Variants in RSAD2 observed in about 807,000 individuals in gnomAD.
The protein encoded by RSAD2 is S-adenosylmethionine-dependent nucleotide dehydratase RSAD2.
RSAD2 carries 38 observed loss-of-function variants against 37.7 expected under a neutral mutation model. That is an observed-to-expected ratio of 1.01 (90% CI 0.78 to 1.32). The LOEUF (loss-of-function observed/expected upper bound fraction) is 1.32. Among genes scored for constraint, RSAD2 ranks in the 40% most tolerant of loss-of-function variants. The probability of loss-of-function intolerance (pLI) is 0.00; values close to 1 mark genes in which losing one functional copy is unlikely to be tolerated. For synonymous variants in RSAD2, 163 were observed against 157.4 expected (o/e 1.04, Z -0.27); for missense variants, 428 against 437.5 (o/e 0.98, Z 0.19).
chr2:6,877,924 C>T lies in RSAD2; in HGVS notation c.124C>T (p.Leu42=). 1 of 1,614,104 alleles carries T rather than the reference C, an allele frequency of 6.2e-7. No homozygotes were observed. Among genetic ancestry groups the T allele is most frequent in the Non-Finnish European group, 8.5e-7 (1 of 1,180,014 alleles). Residue 42 remains leucine (L), a synonymous_variant, in exon 1 of 6, where the codon CTA becomes TTA. Transcript: ENST00000382040. ...CTGGCTGAGGGCAACCTTCTGGCTG[C>T]TAGCTACCAAGAGGAGAAAGCAGCA... The part of the protein sequence containing the change: ...FCWLRATFWL[L]ATKRRKQQLV...
intron 3 of RSAD2, 152 bp downstream of exon 3, chr2:6,887,316 A>G (rs1663544333): frequency 1.6e-6 from 1 of 611,668 alleles, no homozygotes; most frequent in Admixed American, 2.9e-5. Flanking sequence ...CAGCTCTGTT[A>G]GACTTAAAAC....
In RSAD2 at chr2:6,878,125, T is replaced by C. The variant is rs752677354; in HGVS notation, c.325T>C (p.Leu109=). 6.2e-6 allele frequency: 10 copies of C among 1,613,942 alleles called. No individual in the cohort carries two copies. Among genetic ancestry groups the C allele is most frequent in the Non-Finnish European group, 8.5e-6 (10 of 1,179,922 alleles). ...GCCCCTTGAGGAAGCAAAGAGAGGA[T>C]TGCTTTTGCTTAAGGAAGCTGGTGA... ...VLPLEEAKRG[L]LLLKEAGMEK... is the part of the protein sequence containing the mutation. Residue 109 remains leucine, a synonymous_variant, in exon 1 of 6, where the codon TTG becomes CTG. Transcript: ENST00000382040.
intron 4 of RSAD2, among the ~76,000 whole-genome samples, chr2:6,891,934 A>G (rs1663640600): frequency 6.6e-6 from 1 of 152,198 alleles, no homozygotes; most frequent in Non-Finnish European, 1.5e-5. Context: ...TGATAATATA[A>G]TAGTAGGTAC....
intron 4 of RSAD2, among the ~76,000 whole-genome samples, chr2:6,891,113 A>G (rs537785036): frequency 2.6e-4 from 40 of 152,280 alleles, no homozygotes; most frequent in Middle Eastern, 3.4e-3. Context: ...AAAGTATTAT[A>G]TATAAAGTTA....
chr2:6,876,536 T>C (rs910351845), upstream of RSAD2, among the ~76,000 whole-genome samples: 1 of 152,232 alleles, frequency 6.6e-6, no homozygotes, highest in Non-Finnish European at 1.5e-5. Context: ...TGGTTTTCAA[T>C]TGTGCAAGAC....
chr2:6,870,511 A>G (rs1663184246), intron 1 of RSAD2, among the ~76,000 whole-genome samples: 6 of 152,142 alleles, frequency 3.9e-5, no homozygotes. Context: ...CATGCTTTGG[A>G]TGAGGTCTCA....
Position 6,882,385 on chromosome 2 carries a change from G to T in RSAD2, c.347-986G>T, listed in dbSNP as rs1304767605. ...TAGTCAGAATATGGAAGCATCTGGG[G>T]AATGAAAAATGGGGTTTCTAAAATT... is the stretch of plus-strand genomic sequence containing the variant. On this transcript the variant is annotated intron_variant, in intron 1 of 5. Coordinates refer to ENST00000382040, the MANE Select transcript of RSAD2 (RefSeq NM_080657.5). Among the ~76,000 whole-genome samples, 5 of 152,146 alleles carry T rather than the reference G, an allele frequency of 3.3e-5. No homozygotes were observed. The East Asian group carries it at 9.6e-4, about 29-fold the overall frequency.
Position 6,871,631 on chromosome 2 carries a change from G to A in RSAD2, c.142+5586G>A, listed in dbSNP as rs76212176. On this transcript the variant is annotated intron_variant, in intron 1 of 5. Coordinates refer to the RSAD2 transcript ENST00000442639. ...ATCTAACTGTCTTCTAAACAAGGGG[G>A]TTTTACCCGACTCATGGCTCAAGTT... is the stretch of plus-strand genomic sequence containing the variant. Among the ~76,000 whole-genome samples the A allele has an allele frequency of 7.0e-3, 1,067 of 152,252 alleles. 7 individuals carry two copies. The highest frequency in any genetic ancestry group is 0.024 in the African/African-American group (1,001 of 41,556).
upstream of RSAD2, among the ~76,000 whole-genome samples, chr2:6,874,980 AG>A (rs1421097105): frequency 2.0e-5 from 3 of 152,198 alleles, no homozygotes; most frequent in Non-Finnish European, 2.9e-5. Context: ...AAGAGTTCCC[AG>A]CCTTACAGTG....
At chr2:6,876,803 A>G (rs1380668123), upstream of RSAD2, 1 of 152,254 alleles carries the variant, frequency 6.6e-6, no homozygotes, top group Non-Finnish European at 1.5e-5. Flanking sequence ...CACAAAAATT[A>G]GCAGTTTTAC....
chr2:6,885,957 T>C (rs1663508695), intron 2 of RSAD2, among the ~76,000 whole-genome samples: 1 of 152,192 alleles, frequency 6.6e-6, no homozygotes, highest in East Asian at 1.9e-4. Context: ...AGGGCGTATG[T>C]TACATACGGA....
At chr2:6,880,461 G>T (rs905600481) in intron 1 of RSAD2, among the ~76,000 whole-genome samples, 1 of 152,170 alleles carries the variant, frequency 6.6e-6, no homozygotes, top group Non-Finnish European at 1.5e-5. Context: ...TCCTGCAGCT[G>T]CAGGCATACC....
At chr2:6,868,838 TG>T (rs1663153907) in intron 1 of RSAD2, among the ~76,000 whole-genome samples, 1 of 152,162 alleles carries the variant, frequency 6.6e-6, no homozygotes, top group Non-Finnish European at 1.5e-5. Flanking sequence ...AAACCATGAT[TG>T]CTGTTGGGCC....
At chr2:6,882,863 A>G (rs1415627469) in intron 1 of RSAD2, among the ~76,000 whole-genome samples, 3 of 152,258 alleles carry the variant, frequency 2.0e-5, no homozygotes, top group Non-Finnish European at 4.4e-5. Flanking sequence ...CAAACAATTG[A>G]TCACCAATGC....
chr2:6,881,441 G>T (rs1663398072), intron 1 of RSAD2, among the ~76,000 whole-genome samples: 2 of 152,172 alleles, frequency 1.3e-5, no homozygotes, highest in Admixed American at 1.3e-4. Context: ...TGGAGTCTAG[G>T]CATGTACCCT....
chr2:6,875,559 G>A (rs535713149), upstream of RSAD2, among the ~76,000 whole-genome samples: 3 of 152,070 alleles, frequency 2.0e-5, no homozygotes, highest in Non-Finnish European at 4.4e-5. Flanking sequence ...TACCCCTCAC[G>A]GGCAGTTGTT....
At chr2:6,894,877 G>C (rs1663705908) in intron 5 of RSAD2, among the ~76,000 whole-genome samples, 1 of 152,232 alleles carries the variant, frequency 6.6e-6, no homozygotes, top group Admixed American at 6.5e-5. Context: ...GTCCAAGGTA[G>C]AGAGGAAAAT....
chr2:6,893,786 C>A, intron 5 of RSAD2, 83 bp downstream of exon 5: 1 of 911,660 alleles, frequency 1.1e-6, no homozygotes. Context: ...ATGAGCATAA[C>A]TATCTAGTAC....
At chr2:6,888,824 A>G (rs1422532163) in intron 3 of RSAD2, among the ~76,000 whole-genome samples, 1 of 152,114 alleles carries the variant, frequency 6.6e-6, no homozygotes, top group Admixed American at 6.5e-5. Flanking sequence ...TCTTAGTCCA[A>G]TCTTACATTG....
Sources: gnomAD v4.1 joint callset for allele counts (sites outside exome capture counted in the v4.1 genomes callset) on GRCh38, gnomAD v4.1.1 for gene constraint, MANE v1.5 for transcripts, NCBI Gene and HGNC (gene_info 2026-07-23, HGNC 2026-07-21) for gene names.